The following NQO2 variants were observed in gnomAD, a reference collection of about 807,000 sequenced individuals.
NQO2 encodes ribosyldihydronicotinamide dehydrogenase [quinone].
In NQO2, 18 loss-of-function variants were observed where a neutral mutation model predicts 22.0. The observed-to-expected ratio is 0.82, with a 90% CI of 0.56 to 1.21. The LOEUF is 1.21. Ranked by LOEUF, NQO2 falls within the 50% of genes most tolerant of loss-of-function variation. The probability of loss-of-function intolerance (pLI) is 0.00; values close to 1 mark genes in which losing one functional copy is unlikely to be tolerated. For missense variants in NQO2, 267 were observed against 286.9 expected (o/e 0.93, Z 0.50); for synonymous variants, 106 against 110.8 (o/e 0.96, Z 0.28).
At chr6:3,018,196 G>C (rs1243167204) in intron 6 of NQO2, among the ~76,000 whole-genome samples, 3 of 152,098 alleles carry the variant, frequency 2.0e-5, no homozygotes, top group Non-Finnish European at 4.4e-5. Context: ...TTCTTAGTTG[G>C]TTTCCAGTAA....
chr6:3,019,137 C>A (rs1283843254), intron 6 of NQO2, among the ~76,000 whole-genome samples: 2 of 152,090 alleles, frequency 1.3e-5, no homozygotes, highest in African/African-American at 2.4e-5. Flanking sequence ...GCTAGAATAA[C>A]CTCATTCTGG....
intron 6 of NQO2, among the ~76,000 whole-genome samples, 179 bp downstream of exon 6, chr6:3,017,164 A>G (rs528002778): frequency 7.9e-5 from 12 of 152,354 alleles, no homozygotes; most frequent in Admixed American, 7.2e-4. Context: ...TGGATACAAG[A>G]AAATTATAAC....
chr6:3,019,542 A>G lies in NQO2; in HGVS notation c.583A>G (p.Ile195Val). 6.2e-7 allele frequency: 1 copy of G among 1,614,188 alleles called. No homozygotes were observed. The highest frequency in any genetic ancestry group is 1.7e-5 in the Admixed American group (1 of 60,016). Residue 195 changes from isoleucine to valine, a missense_variant, in exon 7 of 7, where the codon ATT becomes GTT. Ile to Val is a conservative substitution (Grantham distance 29). Coordinates refer to ENST00000380455, the MANE Select transcript of NQO2 (RefSeq NM_000904.6). Reference protein sequence around the residue: ...LAPQISFAPEIASEEERKGMV... With the variant: ...LAPQISFAPEVASEEERKGMV... ...CCCTCAGATCAGCTTTGCTCCTGAA[A>G]TTGCATCCGAAGAAGAAAGAAAGGG...
In NQO2 at chr6:3,010,251, ATGTTGACTTCCAGC is replaced by A; in HGVS notation, c.172+65_172+78del. ...ATCTTTATGTTTTTTACTTTAAAAA[ATGTTGACTTCCAGC>A]TGCAAAATGGCATTATAGAAGCAAG... On this transcript the variant is annotated intron_variant, in intron 3 of 6. Coordinates refer to ENST00000380455, the MANE Select transcript of NQO2 (RefSeq NM_000904.6). 2.1e-6 allele frequency: 3 copies of A among 1,396,852 alleles called. No homozygotes were observed. The South Asian group carries it at 4.7e-5, about 22-fold the overall frequency. 86.5% of individuals were successfully genotyped at this position (1,396,852 alleles called of 1,614,324 possible). A position where few individuals can be genotyped will look rare whatever the true frequency, so the allele number is the denominator to read the frequency against.
chr6:3,013,974 G>A (rs1294004746), intron 4 of NQO2, among the ~76,000 whole-genome samples: 1 of 152,126 alleles, frequency 6.6e-6, no homozygotes, highest in African/African-American at 2.4e-5. Context: ...GGATCCCCTA[G>A]ATCCAGAATT....
chr6:3,008,909 A>G (rs1255713790), intron 2 of NQO2, among the ~76,000 whole-genome samples: 4 of 152,154 alleles, frequency 2.6e-5, no homozygotes, highest in Non-Finnish European at 5.9e-5. Flanking sequence ...TCACAAGGTA[A>G]TAGAATATCA....
rs1333152436 is a variant in NQO2 at position 3,012,630 on chromosome 6, G to C, written c.259G>C (p.Asp87His). Residue 87 changes from aspartate to histidine, a missense_variant, in exon 4 of 7, where the codon GAT becomes CAT. Coordinates refer to ENST00000380455, the MANE Select transcript of NQO2 (RefSeq NM_000904.6). ...AAGGTCTCTGGCTAGCGACATCACT[G>C]ATGAGCAGAAAAAGGTTCGGGAGGC... ...KQRSLASDITDEQKKVREADL... is the reference protein window; with the variant it reads ...KQRSLASDITHEQKKVREADL... 6.2e-7 allele frequency: 1 copy of C among 1,613,934 alleles called. No homozygotes were observed. The highest frequency in any genetic ancestry group is 1.3e-5 in the African/African-American group (1 of 74,914).
Position 2,999,936 on chromosome 6 carries a change from CG to C in NQO2, c.-230del. 1 of 152,460 alleles carries C rather than the reference CG, an allele frequency of 6.6e-6. No homozygotes were observed. Among genetic ancestry groups the C allele is most frequent in the South Asian group, 2.1e-4 (1 of 4,832 alleles). The allele number at this position is 152,460 out of a possible 1,614,324, so 9.4% of individuals were successfully genotyped here. On this transcript the variant is annotated 5_prime_UTR_variant, in exon 1 of 7. Transcript: ENST00000380455. ...TAGGTTGGCACCGGTCCGTGGTCCC[CG>C]GGGGCGCAGTCGCAGCGCTCCCGCC...
chr6:3,005,055 A>T (rs180826256), intron 1 of NQO2, among the ~76,000 whole-genome samples: 1 of 152,192 alleles, frequency 6.6e-6, no homozygotes, highest in East Asian at 1.9e-4. Context: ...TCAGCCTCCC[A>T]AAGTGCTGGG....
intron 1 of NQO2, among the ~76,000 whole-genome samples, chr6:3,001,540 G>A (rs1038854569): frequency 1.3e-5 from 2 of 152,118 alleles, no homozygotes; most frequent in African/African-American, 2.4e-5. Flanking sequence ...GAAAAAAATG[G>A]AAATAACCTA....
chr6:3,000,921 C>T (rs562478047), intron 1 of NQO2, among the ~76,000 whole-genome samples: 1 of 152,128 alleles, frequency 6.6e-6, no homozygotes, highest in Non-Finnish European at 1.5e-5. Flanking sequence ...CAGCTCACTG[C>T]AACCTCTGCC....
chr6:3,010,340 C>T, intron 3 of NQO2, 151 bp downstream of exon 3: 1 of 630,086 alleles, frequency 1.6e-6, no homozygotes, highest in East Asian at 2.8e-5. Context: ...TTATCACCAG[C>T]AGTATCCCAG....
chr6:3,005,033 A>G (rs917621177), intron 1 of NQO2, among the ~76,000 whole-genome samples: 8 of 152,000 alleles, frequency 5.3e-5, no homozygotes, highest in Admixed American at 2.0e-4. Flanking sequence ...GACCTCAGGT[A>G]ATCCACCTGC....
At chr6:3,018,923 C>T (rs1757433581) in intron 6 of NQO2, among the ~76,000 whole-genome samples, 2 of 151,176 alleles carry the variant, frequency 1.3e-5, no homozygotes, top group African/African-American at 4.9e-5. Context: ...CCTTTAATCC[C>T]TCCCACCTCA....
intron 4 of NQO2, chr6:3,015,165 C>G: frequency 7.6e-7 from 1 of 1,308,742 alleles, no homozygotes; most frequent in Non-Finnish European, 1.0e-6. Flanking sequence ...ACACCCCAGG[C>G]AGGCGAAGGG....
chr6:3,003,065 T>C (rs1318651014), intron 1 of NQO2, among the ~76,000 whole-genome samples: 3 of 152,214 alleles, frequency 2.0e-5, no homozygotes, highest in African/African-American at 4.8e-5. Flanking sequence ...TCCCTATGCA[T>C]TGTGATAGCC....
chr6:3,011,526 G>C (rs1033337653), intron 3 of NQO2, among the ~76,000 whole-genome samples: 9 of 152,172 alleles, frequency 5.9e-5, no homozygotes, highest in African/African-American at 1.7e-4. Context: ...GGCATAGCAA[G>C]CTTATTCAAA....
rs769489364 is a variant in NQO2, at chr6:3,006,520, A to G, written c.-33A>G. ...CGCAGGAAAGCCCCAGCCACCCATC[A>G]AATCAGAGAGAAGGAATCCACCTTC... On this transcript the variant is annotated 5_prime_UTR_variant, in exon 2 of 7. Coordinates refer to ENST00000380455, the MANE Select transcript of NQO2 (RefSeq NM_000904.6). This position sits in a 1 kb window ranked among gnomAD's most constrained non-coding sequence, Gnocchi z 4.0. 2.5e-6 allele frequency: 4 copies of G among 1,612,958 alleles called. No individual in the cohort carries two copies. Among genetic ancestry groups the G allele is most frequent in the South Asian group, 2.2e-5 (2 of 90,822 alleles).
chr6:3,015,778 C>T, intron 5 of NQO2, 135 bp downstream of exon 5: 1 of 816,362 alleles, frequency 1.2e-6, no homozygotes, highest in East Asian at 2.7e-5. Flanking sequence ...ATGTACAAAG[C>T]ACCATGTGCT....
Sources: gnomAD v4.1 joint callset for allele counts (sites outside exome capture counted in the v4.1 genomes callset) on GRCh38, gnomAD v4.1.1 for gene constraint, Gnocchi (gnomAD v3.1) non-coding constraint, MANE v1.5 for transcripts, NCBI Gene and HGNC (gene_info 2026-07-23, HGNC 2026-07-21) for gene names.